MMP26: variants seen among roughly 807,000 people sequenced by gnomAD.
MMP26 encodes the protein matrix metallopeptidase 26, also known as matrix metalloproteinase-26.
MMP26 carries 33 observed loss-of-function variants against 31.0 expected under a neutral mutation model. That is an observed-to-expected ratio of 1.06 (90% CI 0.81 to 1.42). MMP26 has a LOEUF of 1.42. Among genes scored for constraint, MMP26 ranks in the 40% most tolerant of loss-of-function variants. The probability of loss-of-function intolerance (pLI) is 0.00; values close to 1 mark genes in which losing one functional copy is unlikely to be tolerated. For synonymous variants in MMP26, 122 were observed against 114.9 expected, an observed-to-expected ratio of 1.06 and a Z score of -0.40; for missense variants, 347 against 316.1, an observed-to-expected ratio of 1.10 and a Z score of -0.74.
At chr11:4,720,272 G>A (rs1847992415) in intron 1 of MMP26, among the ~76,000 whole-genome samples, 1 of 152,206 alleles carries the variant, frequency 6.6e-6, no homozygotes, top group African/African-American at 2.4e-5. Context: ...AAGTAGTAAT[G>A]TCATGCTTAT....
chr11:4,926,027 G>C (rs1851267569), intron 2 of MMP26, among the ~76,000 whole-genome samples: 1 of 152,124 alleles, frequency 6.6e-6, no homozygotes, highest in Non-Finnish European at 1.5e-5. Context: ...AAGATAGGAA[G>C]TTGAGAACAT....
intron 1 of MMP26, among the ~76,000 whole-genome samples, chr11:4,729,651 A>T (rs1007623047): frequency 3.3e-5 from 5 of 152,190 alleles, no homozygotes; most frequent in African/African-American, 1.2e-4. Flanking sequence ...AACATGTTCA[A>T]GATAATCACA....
chr11:4,901,303 G>C (rs1055292330), intron 2 of MMP26, among the ~76,000 whole-genome samples: 2 of 151,912 alleles, frequency 1.3e-5, no homozygotes, highest in Non-Finnish European at 2.9e-5. Context: ...GAGACTACAG[G>C]TGCCTGCCAC....
intron 2 of MMP26, among the ~76,000 whole-genome samples, chr11:4,938,807 G>GA (rs1846167088): frequency 6.6e-6 from 1 of 152,016 alleles, no homozygotes; most frequent in African/African-American, 2.4e-5. Context: ...AGTAATGGCA[G>GA]AACTGGAAGT....
At chr11:4,946,529 C>G (rs143239713) in intron 2 of MMP26, 1 of 1,602,754 alleles carries the variant, frequency 6.2e-7, no homozygotes, top group Non-Finnish European at 8.5e-7. Context: ...GTTGTCAGAA[C>G]AGGCCAACTT....
In MMP26 at chr11:4,947,786, G is replaced by C. The variant is rs77247381; in HGVS notation, c.-144-40282G>C. On this transcript the variant is annotated intron_variant, in intron 2 of 7. Transcript: ENST00000380390. Reference sequence around the variant, plus strand: ...CAGATGCAGTAAATCTACAGAGATGGTTGATACCAAGGAAACAAACATCTA... The same window carrying C: ...CAGATGCAGTAAATCTACAGAGATGCTTGATACCAAGGAAACAAACATCTA... 6.7e-3 allele frequency among the ~76,000 whole-genome samples: 840 copies of C among 125,372 alleles called. 164 individuals are homozygous for C. The highest frequency in any genetic ancestry group is 0.022 in the African/African-American group (814 of 36,948). 82.2% of individuals were successfully genotyped at this position (125,372 alleles called of 152,430 possible).
At chr11:4,714,056 C>T (rs1168020165) in intron 1 of MMP26, among the ~76,000 whole-genome samples, 2 of 152,128 alleles carry the variant, frequency 1.3e-5, no homozygotes, top group African/African-American at 4.8e-5. Flanking sequence ...CTACTTATTT[C>T]TGGGTAGAAT....
At chr11:4,754,972 G>A (rs1848488471) in intron 1 of MMP26, among the ~76,000 whole-genome samples, 1 of 151,836 alleles carries the variant, frequency 6.6e-6, no homozygotes, top group Non-Finnish European at 1.5e-5. Context: ...TAGCTCTATG[G>A]TAGCTCTATA....
chr11:4,769,152 G>A (rs1257716279), intron 2 of MMP26: 3 of 1,613,546 alleles, frequency 1.9e-6, no homozygotes, highest in Admixed American at 1.7e-5. Context: ...CTCAGCATGT[G>A]GATGTAGAAG....
At position 4,954,092 on chromosome 11, in the gene MMP26, G is replaced by T. The variant is rs1171503228; in HGVS notation, c.-144-33976G>T. On this transcript the variant is annotated intron_variant, in intron 2 of 7. Coordinates refer to ENST00000380390, the MANE Select transcript of MMP26 (RefSeq NM_021801.5). ...TTATTGATTTAATTGTATTTCTAAA[G>T]AAGTGAGAGTTCAAATTTAAAAGAG... Among the ~76,000 whole-genome samples, 2 of 126,006 alleles carry T rather than the reference G, an allele frequency of 1.6e-5. 1 individual carries two copies. The highest frequency in any genetic ancestry group is 1.7e-4 in the Admixed American group (2 of 11,472). The allele number at this position is 126,006 out of a possible 152,430, so 82.7% of individuals were successfully genotyped here. A position where few individuals can be genotyped will look rare whatever the true frequency, so the allele number is the denominator to read the frequency against.
At chr11:4,916,657 C>A (rs1193166412) in intron 2 of MMP26, among the ~76,000 whole-genome samples, 1 of 152,130 alleles carries the variant, frequency 6.6e-6, no homozygotes, top group Non-Finnish European at 1.5e-5. Context: ...GTCCAAGTAG[C>A]TCATAAATGC....
chr11:4,711,784 C>G (rs1459986139), intron 1 of MMP26: 1 of 152,148 alleles, frequency 6.6e-6, no homozygotes, highest in Non-Finnish European at 1.5e-5. Flanking sequence ...TTTAACAAGA[C>G]ATTTACGGAT....
At chr11:4,950,071 G>A (rs11602917) in intron 2 of MMP26, among the ~76,000 whole-genome samples, 39,291 of 121,990 alleles carry the variant, frequency 0.32, 13,209 homozygotes, top group Middle Eastern at 0.52. Context: ...GGAATAGATG[G>A]TATTTACAAT....
At chr11:4,812,265 ATATG>A (rs1849360189) in intron 2 of MMP26, among the ~76,000 whole-genome samples, 1 of 152,208 alleles carries the variant, frequency 6.6e-6, no homozygotes, top group Non-Finnish European at 1.5e-5. Context: ...ATATATGTGT[ATATG>A]TAGTATATAA....
chr11:4,908,172 G>C (rs1365723031), intron 2 of MMP26: 2 of 1,614,160 alleles, frequency 1.2e-6, no homozygotes. Context: ...AAGCACAAAA[G>C]CCCTCTTGTT....
chr11:4,916,914 C>T (rs978739858), intron 2 of MMP26, among the ~76,000 whole-genome samples: 8 of 152,138 alleles, frequency 5.3e-5, no homozygotes, highest in African/African-American at 1.9e-4. Flanking sequence ...GAACACAGGG[C>T]AGTGATGCTG....
chr11:4,899,198 G>T (rs568936816), intron 2 of MMP26, among the ~76,000 whole-genome samples: 1 of 152,264 alleles, frequency 6.6e-6, no homozygotes. Flanking sequence ...TGATGTCTTA[G>T]TTCCGAAGAA....
intron 2 of MMP26, among the ~76,000 whole-genome samples, chr11:4,959,611 G>A (rs898456439): frequency 2.0e-5 from 3 of 152,124 alleles, no homozygotes; most frequent in Non-Finnish European, 2.9e-5. Context: ...CCATACCATT[G>A]CTTCAGAAGA....
At chr11:4,743,805 T>C (rs1439800556) in intron 1 of MMP26, among the ~76,000 whole-genome samples, 1 of 152,148 alleles carries the variant, frequency 6.6e-6, no homozygotes, top group African/African-American at 2.4e-5. Flanking sequence ...TTTGGACTAC[T>C]CGGGTTTGTT....
Sources: gnomAD v4.1 joint callset for allele counts (sites outside exome capture counted in the v4.1 genomes callset) on GRCh38, gnomAD v4.1.1 for gene constraint, MANE v1.5 for transcripts, NCBI Gene and HGNC (gene_info 2026-07-23, HGNC 2026-07-21) for gene names.